The following ADGRD1 variants were observed in gnomAD, a reference collection of about 807,000 sequenced individuals.
ADGRD1 encodes adhesion G protein-coupled receptor D1.
ADGRD1 carries 77 observed loss-of-function variants against 113.4 expected under a neutral mutation model. The ratio of observed to expected loss-of-function variants is 0.68; its 90% CI spans 0.57 to 0.82. ADGRD1 has a LOEUF of 0.82. Ranked by LOEUF, ADGRD1 falls within the 40% of genes least tolerant of loss-of-function variation. The pLI is 0.00. For synonymous variants in ADGRD1, 474 were observed against 475.0 expected (o/e 1.00, Z 0.03); for missense variants, 1,036 against 1,139.1 (o/e 0.91, Z 1.30).
chr12:130,953,966 G>A lies in ADGRD1; in HGVS notation c.-500G>A, dbSNP rs1869203653. The A allele has an allele frequency of 6.5e-6, 1 of 153,222 alleles. No homozygotes were observed. Among genetic ancestry groups the A allele is most frequent in the African/African-American group, 2.4e-5 (1 of 41,492 alleles). 9.5% of individuals were successfully genotyped at this position (153,222 alleles called of 1,614,324 possible). A position where few individuals can be genotyped will look rare whatever the true frequency, so the allele number is the denominator to read the frequency against. ...GGTGTGAACTTGAGCCAGACCAGAAGGAGCTCGAGAGCGGCCGCAGGACAA... is the reference window on the plus strand; with the variant it reads ...GGTGTGAACTTGAGCCAGACCAGAAAGAGCTCGAGAGCGGCCGCAGGACAA... On this transcript the variant is annotated 5_prime_UTR_variant, in exon 1 of 25. Coordinates refer to ENST00000261654, the MANE Select transcript of ADGRD1 (RefSeq NM_198827.5).
chr12:131,118,580 GC>G, intron 19 of ADGRD1, 129 bp downstream of exon 19: 1 of 630,362 alleles, frequency 1.6e-6, no homozygotes, highest in Non-Finnish European at 2.8e-6. Flanking sequence ...GCTCCCACAG[GC>G]CCAGCCGGTG....
intron 20 of ADGRD1, among the ~76,000 whole-genome samples, chr12:131,122,210 G>A (rs1277254909): frequency 6.6e-6 from 1 of 152,130 alleles, no homozygotes; most frequent in Admixed American, 6.5e-5. Context: ...GGTGTTGCGC[G>A]GGGCGCCACG....
At chr12:130,997,081 C>T (rs1437845325) in intron 8 of ADGRD1, among the ~76,000 whole-genome samples, 32 of 120,834 alleles carry the variant, frequency 2.6e-4, no homozygotes, top group African/African-American at 8.0e-4. Flanking sequence ...CCAGTAGGGG[C>T]GGCCGGGCAG....
At chr12:131,004,126 G>A (rs1876770933) in intron 10 of ADGRD1, 60 bp from the exon 11 acceptor site, 1 of 1,076,182 alleles carries the variant, frequency 9.3e-7, no homozygotes, top group African/African-American at 1.6e-5. Context: ...TTTGCAGTCT[G>A]ATTTCCTGCA....
chr12:130,961,274 C>G (rs982393691), intron 2 of ADGRD1, among the ~76,000 whole-genome samples: 1 of 152,192 alleles, frequency 6.6e-6, no homozygotes, highest in African/African-American at 2.4e-5. Flanking sequence ...TCTTTCATCT[C>G]TCTCCTATGT....
At chr12:130,981,067 G>A (rs1288542099) in intron 4 of ADGRD1, 2 of 152,184 alleles carry the variant, frequency 1.3e-5, no homozygotes, top group Non-Finnish European at 2.9e-5. Flanking sequence ...ATCCAACTGC[G>A]GGAAATGAAC....
intron 4 of ADGRD1, among the ~76,000 whole-genome samples, chr12:130,973,601 T>C (rs1871948266): frequency 6.6e-6 from 1 of 152,244 alleles, no homozygotes; most frequent in South Asian, 2.1e-4. Flanking sequence ...GCCCCGACTC[T>C]GCACCAATCC....
chr12:131,064,401 A>G (rs1464505073), intron 13 of ADGRD1, among the ~76,000 whole-genome samples: 2 of 152,198 alleles, frequency 1.3e-5, no homozygotes, highest in African/African-American at 4.8e-5. Flanking sequence ...CTGCCTCGAT[A>G]TGATCATGTG....
At chr12:131,049,236 C>T (rs917844766) in intron 13 of ADGRD1, among the ~76,000 whole-genome samples, 1 of 152,228 alleles carries the variant, frequency 6.6e-6, no homozygotes, top group African/African-American at 2.4e-5. Flanking sequence ...GAGCCCAGGG[C>T]TGGCACAAGG....
In ADGRD1 at chr12:131,084,378, C is replaced by T. The variant is rs559120282; in HGVS notation, c.1548-162C>T. On this transcript the variant is annotated intron_variant, in intron 14 of 24. Coordinates refer to ENST00000261654, the MANE Select transcript of ADGRD1 (RefSeq NM_198827.5). The surrounding 1 kb of genome is among the most constrained non-coding windows in gnomAD (Gnocchi z 4.5). ...CAGCCTGATGGCCAGAATCTCTCCT[C>T]CCAACCCCCACACCACGGTCTGGGT... 7.2e-5 allele frequency among the ~76,000 whole-genome samples: 11 copies of T among 152,278 alleles called. No individual in the cohort carries two copies. The South Asian group carries it at 1.9e-3, about 26-fold the overall frequency.
chr12:130,974,497 C>T (rs1271349798), intron 4 of ADGRD1, among the ~76,000 whole-genome samples: 11 of 152,222 alleles, frequency 7.2e-5, no homozygotes, highest in South Asian at 4.1e-4. Context: ...ATGATTAGAA[C>T]GTGGGAAGCA....
chr12:131,068,387 T>G (rs899386695), intron 13 of ADGRD1, among the ~76,000 whole-genome samples: 1 of 152,176 alleles, frequency 6.6e-6, no homozygotes, highest in Non-Finnish European at 1.5e-5. Flanking sequence ...CTACTAGGAA[T>G]GAAAGAATGT....
intron 4 of ADGRD1, chr12:130,978,089 G>C (rs1872537707): frequency 6.6e-6 from 1 of 152,170 alleles, no homozygotes. Context: ...TAGTTCACAG[G>C]TTGTTGGGAG....
chr12:131,132,599 G>T (rs747780596), intron 21 of ADGRD1, among the ~76,000 whole-genome samples: 2 of 152,240 alleles, frequency 1.3e-5, no homozygotes, highest in Non-Finnish European at 2.9e-5. Context: ...CCTGGTGGCC[G>T]AATGGCTGCG....
chr12:131,034,231 C>A (rs998941036), intron 13 of ADGRD1, among the ~76,000 whole-genome samples: 1 of 152,242 alleles, frequency 6.6e-6, no homozygotes. Context: ...CATTCCACTC[C>A]GCTCCCGCCA....
intron 15 of ADGRD1, among the ~76,000 whole-genome samples, chr12:131,100,820 C>G (rs1156883654): frequency 1.3e-5 from 2 of 152,188 alleles, no homozygotes; most frequent in Non-Finnish European, 2.9e-5. Flanking sequence ...CATGTCAGCC[C>G]ACTGGAACCT....
In ADGRD1 at chr12:130,966,616, G is replaced by A. The variant is rs866156946; in HGVS notation, c.187+70G>A. 5.3e-6 allele frequency: 5 copies of A among 950,184 alleles called. No individual in the cohort carries two copies. The East Asian group carries it at 7.2e-5, about 14-fold the overall frequency. 58.9% of individuals were successfully genotyped at this position (950,184 alleles called of 1,614,324 possible). A position where few individuals can be genotyped will look rare whatever the true frequency, so the allele number is the denominator to read the frequency against. On this transcript the variant is annotated intron_variant, in intron 3 of 24. Transcript: ENST00000261654. The surrounding 1 kb of genome is among the most constrained non-coding windows in gnomAD (Gnocchi z 4.6). ...AGGGCCATCAGGAGGCGTGGGTGCT[G>A]AGAGTGGCTGGCCTTGAAATCCCAG...
intron 13 of ADGRD1, among the ~76,000 whole-genome samples, chr12:131,055,144 G>C (rs886405588): frequency 1.8e-4 from 27 of 152,316 alleles, no homozygotes; most frequent in Non-Finnish European, 1.5e-4. Flanking sequence ...GGAAGATTTT[G>C]AAATAGACCA....
intron 3 of ADGRD1, chr12:130,970,935 C>T (rs1253970179): frequency 1.3e-5 from 2 of 152,266 alleles, no homozygotes; most frequent in African/African-American, 2.4e-5. Flanking sequence ...TCAATTAAAA[C>T]TCAAAAGGAG....
Sources: gnomAD v4.1 joint callset for allele counts (sites outside exome capture counted in the v4.1 genomes callset) on GRCh38, gnomAD v4.1.1 for gene constraint, Gnocchi (gnomAD v3.1) non-coding constraint, MANE v1.5 for transcripts, NCBI Gene and HGNC (gene_info 2026-07-23, HGNC 2026-07-21) for gene names.